Variants in CYB561D1 observed in about 807,000 individuals in gnomAD.
CYB561D1 encodes cytochrome b561 family member D1.
A neutral mutation model predicts 19.2 loss-of-function variants in CYB561D1; 15 were observed. The observed-to-expected ratio is 0.78, with a 90% CI of 0.52 to 1.20. The LOEUF (loss-of-function observed/expected upper bound fraction) is 1.20, where lower values mean the gene tolerates loss of function less well. Ranked by LOEUF, CYB561D1 falls within the 50% of genes most tolerant of loss-of-function variation. CYB561D1 has a pLI of 0.00. For missense variants in CYB561D1, 297 were observed against 287.3 expected (o/e 1.03, Z -0.24); for synonymous variants, 133 against 120.6 (o/e 1.10, Z -0.68).
rs928730220 is a variant in CYB561D1, at chr1:109,495,558, A to G, written c.187-198A>G. 8.0e-6 allele frequency: 8 copies of G among 998,252 alleles called. No individual in the cohort carries two copies. In the Admixed American group the frequency reaches 8.3e-5, roughly 10 times the overall value. The allele number at this position is 998,252 out of a possible 1,614,324, so 61.8% of individuals were successfully genotyped here. ...TAGAGGTTGGGATGGGGAGATGTCA[A>G]CCTGAATGAGGAGACGTGCACTCAA... is the stretch of plus-strand genomic sequence containing the variant. On this transcript the variant is annotated intron_variant, in intron 2 of 2. Transcript: ENST00000420578.
Position 109,496,373 on chromosome 1 carries a change from G to C in CYB561D1, c.*114G>C. The C allele has an allele frequency of 2.4e-6, 3 of 1,258,412 alleles. No homozygotes were observed. The highest frequency in any genetic ancestry group is 3.3e-6 in the Non-Finnish European group (3 of 921,300). The allele number at this position is 1,258,412 out of a possible 1,614,324, so 78.0% of individuals were successfully genotyped here. ...GTCAGGTTTTCGCACTTCTTGGCTG[G>C]TCCAGGGACTGCAGAAACCAAAGCT... On this transcript the variant is annotated 3_prime_UTR_variant, in exon 3 of 3. Coordinates refer to ENST00000420578, the MANE Select transcript of CYB561D1 (RefSeq NM_182580.3).
At chr1:109,495,426 A>C (rs1571107861) in intron 2 of CYB561D1, among the ~76,000 whole-genome samples, 1 of 152,338 alleles carries the variant, frequency 6.6e-6, no homozygotes, top group Admixed American at 6.5e-5. Context: ...GGGGCCGGAA[A>C]GGAGAAGGGG....
rs758003846 is a variant in CYB561D1 at position 109,496,061 on chromosome 1, C to T, written c.492C>T (p.Leu164=). The change falls in exon 3 of 3, where the codon CTC becomes CTT. Residue 164 remains leucine, a synonymous_variant. Transcript: ENST00000420578. Reference sequence around the variant, plus strand: ...TCTCAAGGGTGGCTCGCCTCAAGCTCTACCATCTGACATGTGGACTGGTGG... The same window carrying T: ...TCTCAAGGGTGGCTCGCCTCAAGCTTTACCATCTGACATGTGGACTGGTGG... ...ARVSRVARLK[L]YHLTCGLVVY... The T allele has an allele frequency of 6.8e-6, 11 of 1,613,770 alleles. 1 individual carries two copies. In the East Asian group the frequency reaches 1.8e-4, roughly 26 times the overall value.
At position 109,496,586 on chromosome 1, in the gene CYB561D1, T is replaced by C. The variant is rs1340116884; in HGVS notation, c.*327T>C. On this transcript the variant is annotated 3_prime_UTR_variant, in exon 3 of 3. Coordinates refer to ENST00000420578, the MANE Select transcript of CYB561D1 (RefSeq NM_182580.3). ...TGAAAAACTGGGTTCCTGTAAGTTA[T>C]GAATGGCATCCAGGGATATTTGGGT... 3 of 221,192 alleles carry C rather than the reference T, an allele frequency of 1.4e-5. No homozygotes were observed. The highest frequency in any genetic ancestry group is 2.7e-5 in the Non-Finnish European group (3 of 111,710). The allele number at this position is 221,192 out of a possible 1,614,324, so 13.7% of individuals were successfully genotyped here. A position where few individuals can be genotyped will look rare whatever the true frequency, so the allele number is the denominator to read the frequency against.
At position 109,496,024 on chromosome 1, in the gene CYB561D1, G is replaced by T. The variant is rs149684652; in HGVS notation, c.455G>T (p.Arg152Leu). ...TGTGGGCTCTGCCTCCTTTGTCCCCGGGCAGCCAGGGTCTCAAGGGTGGCT... is the reference window on the plus strand; with the variant it reads ...TGTGGGCTCTGCCTCCTTTGTCCCCTGGCAGCCAGGGTCTCAAGGGTGGCT... Reference protein sequence around the residue: ...ALCGLCLLCPRAARVSRVARL... With the variant: ...ALCGLCLLCPLAARVSRVARL... The change falls in exon 3 of 3, where the codon CGG (arginine) becomes CTG (leucine). Residue 152 changes from arginine (R) to leucine (L), a missense_variant. Coordinates refer to ENST00000420578, the MANE Select transcript of CYB561D1 (RefSeq NM_182580.3). The T allele has an allele frequency of 6.2e-7, 1 of 1,608,966 alleles. No homozygotes were observed. The highest frequency in any genetic ancestry group is 1.7e-5 in the Admixed American group (1 of 59,898).
rs143638319 is a variant in CYB561D1, at chr1:109,496,237, C to T, written c.668C>T (p.Pro223Leu). The T allele has an allele frequency of 7.2e-5, 113 of 1,575,310 alleles. No homozygotes were observed. The East Asian group carries it at 1.8e-3, about 26-fold the overall frequency. ...CACCAGATTTCCAGATCCTACTTGCCGAGGAAGAAAATGGAAATGTGAGTT... is the reference window on the plus strand; with the variant it reads ...CACCAGATTTCCAGATCCTACTTGCTGAGGAAGAAAATGGAAATGTGAGTT... Reference protein sequence around the residue: ...IMHQISRSYLPRKKMEM With the variant: ...IMHQISRSYLLRKKMEM Residue 223 changes from proline to leucine, a missense_variant, in exon 3 of 3, where the codon CCG (proline) becomes CTG (leucine). By Grantham distance (98) the Pro-to-Leu change is moderately conservative. Coordinates refer to ENST00000420578, the MANE Select transcript of CYB561D1 (RefSeq NM_182580.3).
chr1:109,495,258 G>A (rs1657458839), intron 2 of CYB561D1, 78 bp downstream of exon 2: 2 of 1,534,734 alleles, frequency 1.3e-6, no homozygotes, highest in African/African-American at 1.4e-5. Context: ...CTTTCAGAAA[G>A]CTCAGCCTTT....
At position 109,496,198 on chromosome 1, in the gene CYB561D1, C is replaced by A. The variant is rs1397661796; in HGVS notation, c.629C>A (p.Ala210Asp). The A allele has an allele frequency of 1.3e-6, 2 of 1,589,416 alleles. No individual in the cohort carries two copies. Among genetic ancestry groups the A allele is most frequent in the Non-Finnish European group, 1.7e-6 (2 of 1,162,906 alleles). Residue 210 changes from alanine (A) to aspartate (D), a missense_variant, in exon 3 of 3, where the codon GCC becomes GAC. Transcript: ENST00000420578. ...TGCCTGGCACTGCCCGTCTATCCAG[C>A]CCTGGTGATCATGCACCAGATTTCC... is the stretch of plus-strand genomic sequence containing the variant. Reference protein sequence around the residue: ...YLCLALPVYPALVIMHQISRS... With the variant: ...YLCLALPVYPDLVIMHQISRS...
rs576596928 is a variant in CYB561D1, at chr1:109,497,172, C to T, written c.*913C>T. ...GCTTGAGGGCTGCAGGGCCTGCGTG[C>T]GCTCCCTCCCCCGAAATCACTTCTC... On this transcript the variant is annotated 3_prime_UTR_variant, in exon 3 of 3. Transcript: ENST00000420578. 3 of 152,732 alleles carry T rather than the reference C, an allele frequency of 2.0e-5. No individual in the cohort carries two copies. The highest frequency in any genetic ancestry group is 2.1e-4 in the South Asian group (1 of 4,828). The allele number at this position is 152,732 out of a possible 1,614,324, so 9.5% of individuals were successfully genotyped here.
rs750397808 is a variant in CYB561D1 at position 109,494,237 on chromosome 1, T to G, written c.98T>G (p.Val33Gly). Reference protein sequence around the residue: ...RRGSGILAHLVALGFTIFLTA... With the variant: ...RRGSGILAHLGALGFTIFLTA... ...GGCAGTGGGATCTTGGCGCACCTGGTAGCTTTGGGCTTCACCATCTTTCTG... is the reference window on the plus strand; with the variant it reads ...GGCAGTGGGATCTTGGCGCACCTGGGAGCTTTGGGCTTCACCATCTTTCTG... The change falls in exon 1 of 3, where the codon GTA becomes GGA. Residue 33 changes from valine (V) to glycine (G), a missense_variant. Val to Gly is a moderately radical substitution (Grantham distance 109, BLOSUM62 -3). Transcript: ENST00000420578. 4 of 1,579,094 alleles carry G rather than the reference T, an allele frequency of 2.5e-6. No individual in the cohort carries two copies. In the Admixed American group the frequency reaches 7.3e-5, roughly 29 times the overall value.
At chr1:109,494,448 T>A in intron 1 of CYB561D1, 161 bp downstream of exon 1, 1 of 1,548,254 alleles carries the variant, frequency 6.5e-7, no homozygotes, top group Non-Finnish European at 8.7e-7. Flanking sequence ...GCCCCAGGGA[T>A]CCTGGAATAA....
intron 1 of CYB561D1, 47 bp from the exon 2 acceptor site, chr1:109,495,096 C>G (rs181590241): frequency 6.2e-7 from 1 of 1,607,848 alleles, no homozygotes; most frequent in East Asian, 2.2e-5. Context: ...GCTACAGGGG[C>G]AGGAACAATG....
At chr1:109,495,484 A>G (rs1384653953) in intron 2 of CYB561D1, among the ~76,000 whole-genome samples, 1 of 152,210 alleles carries the variant, frequency 6.6e-6, no homozygotes, top group Non-Finnish European at 1.5e-5. Context: ...AAAGTTCAGG[A>G]AGAAGTTTAA....
rs1264175677 is a variant in CYB561D1, at chr1:109,496,148, G to A, written c.579G>A (p.Gln193=). ...TGTACTCAGTATGGTTCCAGGCCCA[G>A]ATCAAAGGTGCGGCCTGGTACCTGT... ...LGMYSVWFQA[Q]IKGAAWYLCL... The change falls in exon 3 of 3, where the codon CAG becomes CAA. Residue 193 remains glutamine, a synonymous_variant. Transcript: ENST00000420578. 6.2e-7 allele frequency: 1 copy of A among 1,614,064 alleles called. No individual in the cohort carries two copies. Among genetic ancestry groups the A allele is most frequent in the East Asian group, 2.2e-5 (1 of 44,874 alleles).
Position 109,498,567 on chromosome 1 carries a change from C to G in CYB561D1, c.*2308C>G, listed in dbSNP as rs1301008546. ...CATTTCTCCCTCCATCACCACCTGC[C>G]CTCACATCCTGGGGCAGCAGCTGGA... is the stretch of plus-strand genomic sequence containing the variant. On this transcript the variant is annotated 3_prime_UTR_variant, in exon 3 of 3. Coordinates refer to ENST00000420578, the MANE Select transcript of CYB561D1 (RefSeq NM_182580.3). 1 of 152,214 alleles carries G rather than the reference C, an allele frequency of 6.6e-6. No homozygotes were observed. The allele number at this position is 152,214 out of a possible 1,614,324, so 9.4% of individuals were successfully genotyped here. A position where few individuals can be genotyped will look rare whatever the true frequency, so the allele number is the denominator to read the frequency against.
At position 109,494,274 on chromosome 1, in the gene CYB561D1, C is replaced by A; in HGVS notation, c.135C>A (p.Ser45=). ...LGFTIFLTAL[S]RPGTSLFSWH... ...TCACCATCTTTCTGACAGCGCTGTC[C>A]CGGCCAGGAACCAGTGAGTGTGCGG... The change falls in exon 1 of 3, where the codon TCC becomes TCA. Residue 45 remains serine, a synonymous_variant. Coordinates refer to ENST00000420578, the MANE Select transcript of CYB561D1 (RefSeq NM_182580.3). 1 of 1,588,534 alleles carries A rather than the reference C, an allele frequency of 6.3e-7. No individual in the cohort carries two copies. The highest frequency in any genetic ancestry group is 8.6e-7 in the Non-Finnish European group (1 of 1,167,156).
rs1288957033 is a variant in CYB561D1 at position 109,497,161 on chromosome 1, G to T, written c.*902G>T. On this transcript the variant is annotated 3_prime_UTR_variant, in exon 3 of 3. Coordinates refer to ENST00000420578, the MANE Select transcript of CYB561D1 (RefSeq NM_182580.3). ...TCAGGATCCGGGCTTGAGGGCTGCA[G>T]GGCCTGCGTGCGCTCCCTCCCCCGA... 6 of 152,678 alleles carry T rather than the reference G, an allele frequency of 3.9e-5. No homozygotes were observed. The highest frequency in any genetic ancestry group is 7.3e-5 in the Non-Finnish European group (5 of 68,088). The allele number at this position is 152,678 out of a possible 1,614,324, so 9.5% of individuals were successfully genotyped here. A position where few individuals can be genotyped will look rare whatever the true frequency, so the allele number is the denominator to read the frequency against.
chr1:109,494,846 A>C (rs1557878745), intron 1 of CYB561D1, among the ~76,000 whole-genome samples: 1 of 145,808 alleles, frequency 6.9e-6, no homozygotes, highest in Non-Finnish European at 1.5e-5. Flanking sequence ...CAAAAAAAAA[A>C]CAAAAAACAA....
In CYB561D1 at chr1:109,496,199, C is replaced by G. The variant is rs1657553968; in HGVS notation, c.630C>G (p.Ala210=). 1.3e-6 allele frequency: 2 copies of G among 1,589,440 alleles called. No homozygotes were observed. The highest frequency in any genetic ancestry group is 4.5e-5 in the East Asian group (2 of 44,274). ...GCCTGGCACTGCCCGTCTATCCAGCCCTGGTGATCATGCACCAGATTTCCA... is the reference window on the plus strand; with the variant it reads ...GCCTGGCACTGCCCGTCTATCCAGCGCTGGTGATCATGCACCAGATTTCCA... ...YLCLALPVYP[A]LVIMHQISRS... The change falls in exon 3 of 3, where the codon GCC becomes GCG. Residue 210 remains alanine, a synonymous_variant. Coordinates refer to ENST00000420578, the MANE Select transcript of CYB561D1 (RefSeq NM_182580.3).
Sources: allele counts gnomAD v4.1 joint callset (sites outside exome capture counted in the v4.1 genomes callset), GRCh38; gene constraint gnomAD v4.1.1; transcripts MANE v1.5; gene names NCBI Gene and HGNC (gene_info 2026-07-23, HGNC 2026-07-21).